Variants in TANC1 observed in about 807,000 individuals in gnomAD.
The protein encoded by TANC1 is tetratricopeptide repeat, ankyrin repeat and coiled-coil containing 1, also known as protein TANC1.
TANC1 carries 77 observed loss-of-function variants against 149.7 expected under a neutral mutation model. That is an observed-to-expected ratio of 0.51 (90% CI 0.43 to 0.62). TANC1 has a LOEUF of 0.62. Ranked by LOEUF, TANC1 falls within the 20% of genes least tolerant of loss-of-function variation. The pLI is 0.00. For missense variants in TANC1, 1,985 were observed against 2,321.8 expected (o/e 0.85, Z 2.98); for synonymous variants, 854 against 925.0 (o/e 0.92, Z 1.39).
At chr2:159,172,325 G>A in intron 11 of TANC1, 53 bp downstream of exon 11, 7 of 1,572,182 alleles carry the variant, frequency 4.5e-6, no homozygotes, top group East Asian at 2.3e-5. Context: ...TTGCTGGTTT[G>A]GTTTCTGAGA....
chr2:159,099,504 A>AC (rs1290039955), intron 4 of TANC1, among the ~76,000 whole-genome samples: 1 of 150,636 alleles, frequency 6.6e-6, no homozygotes, highest in African/African-American at 2.5e-5. Context: ...GACCAAAAAA[A>AC]AAAACAAAAC....
chr2:158,993,508 G>A (rs933852040), intron 1 of TANC1, among the ~76,000 whole-genome samples: 2 of 152,072 alleles, frequency 1.3e-5, no homozygotes, highest in Non-Finnish European at 2.9e-5. Context: ...ATGAAATACC[G>A]TGCCCGCCTT....
intron 2 of TANC1, among the ~76,000 whole-genome samples, chr2:159,051,972 A>G (rs2041508982): frequency 6.6e-6 from 1 of 152,166 alleles, no homozygotes; most frequent in African/African-American, 2.4e-5. Context: ...AATTATATTT[A>G]TCTTCCTATG....
intron 22 of TANC1, 32 bp downstream of exon 22, chr2:159,219,899 CT>C: frequency 6.2e-7 from 1 of 1,610,388 alleles, no homozygotes; most frequent in South Asian, 1.1e-5. Context: ...CCACCTCCAC[CT>C]GCATTGGAAA....
intron 7 of TANC1, among the ~76,000 whole-genome samples, chr2:159,154,148 G>A (rs931997066): frequency 4.6e-5 from 7 of 152,294 alleles, no homozygotes; most frequent in South Asian, 2.1e-4. Flanking sequence ...CACAGCTGCC[G>A]AGGCCTTGCA....
At chr2:159,136,543 C>T (rs2050766391) in intron 5 of TANC1, among the ~76,000 whole-genome samples, 1 of 152,172 alleles carries the variant, frequency 6.6e-6, no homozygotes, top group Non-Finnish European at 1.5e-5. Flanking sequence ...CCTATTTCCT[C>T]TGAATTTTGA....
chr2:159,196,353 G>A (rs2057848413), intron 17 of TANC1, among the ~76,000 whole-genome samples: 1 of 152,226 alleles, frequency 6.6e-6, no homozygotes, highest in African/African-American at 2.4e-5. Context: ...GTAGTTTGCT[G>A]CAGGGACATG....
intron 2 of TANC1, among the ~76,000 whole-genome samples, chr2:159,007,812 G>C (rs1477379667): frequency 6.6e-6 from 1 of 152,244 alleles, no homozygotes; most frequent in African/African-American, 2.4e-5. Context: ...CTGTGGGATA[G>C]ATAGCTGAGT....
At chr2:159,048,144 G>C (rs1264607480) in intron 2 of TANC1, among the ~76,000 whole-genome samples, 2 of 152,116 alleles carry the variant, frequency 1.3e-5, no homozygotes, top group African/African-American at 2.4e-5. Context: ...GGCTGGTGTT[G>C]GTTGACCTGA....
At chr2:159,200,593 T>G (rs535354356) in intron 19 of TANC1, among the ~76,000 whole-genome samples, 2 of 152,342 alleles carry the variant, frequency 1.3e-5, no homozygotes, top group Admixed American at 1.3e-4. Flanking sequence ...CAATGACCAG[T>G]CCTGAATTGC....
chr2:159,082,836 G>A lies in TANC1; in HGVS notation c.62-14801G>A, dbSNP rs77069264. ...GAATGGGCTCTACTGTAATTGTGTA[G>A]TGCAGTGATTCCTAAACCTGGCTGG... On this transcript the variant is annotated intron_variant, in intron 3 of 26. Transcript: ENST00000263635. Among the ~76,000 whole-genome samples, 19 of 152,322 alleles carry A rather than the reference G, an allele frequency of 1.2e-4. No individual in the cohort carries two copies. In the East Asian group the frequency reaches 3.7e-3, roughly 29 times the overall value.
intron 16 of TANC1, among the ~76,000 whole-genome samples, chr2:159,190,852 A>C (rs575990613): frequency 6.6e-6 from 1 of 152,346 alleles, no homozygotes; most frequent in South Asian, 2.1e-4. Flanking sequence ...ATGCCCAGCC[A>C]CACCTTTATT....
At chr2:159,076,993 TTTTC>T (rs1408611352) in intron 3 of TANC1, among the ~76,000 whole-genome samples, 1 of 152,162 alleles carries the variant, frequency 6.6e-6, no homozygotes, top group Non-Finnish European at 1.5e-5. Flanking sequence ...TTGTTTTTTT[TTTTC>T]CTTTAGATTT....
chr2:159,168,697 A>C (rs948425697), intron 8 of TANC1, among the ~76,000 whole-genome samples: 1 of 152,200 alleles, frequency 6.6e-6, no homozygotes, highest in Non-Finnish European at 1.5e-5. Flanking sequence ...AACACCAAAA[A>C]ATGCGGTATG....
At chr2:159,106,338 GC>G (rs1312991134) in intron 4 of TANC1, among the ~76,000 whole-genome samples, 2 of 151,996 alleles carry the variant, frequency 1.3e-5, no homozygotes, top group African/African-American at 4.8e-5. Flanking sequence ...CTACTTCCTA[GC>G]CCCTGGTAAC....
chr2:159,101,463 C>G (rs1277791067), intron 4 of TANC1, among the ~76,000 whole-genome samples: 1 of 151,968 alleles, frequency 6.6e-6, no homozygotes, highest in Non-Finnish European at 1.5e-5. Flanking sequence ...ACTTTCCACT[C>G]ATATTGAGGT....
In TANC1 at chr2:159,172,167, G is replaced by A. The variant is rs201430733; in HGVS notation, c.1398G>A (p.Pro466=). Residue 466 remains proline, a synonymous_variant, in exon 11 of 27, where the codon CCG becomes CCA. Transcript: ENST00000263635. ...TTCATTTCACTCCGTTGCTTTCACC[G>A]AGTTCTTCCACAAGTGCTTCCAGCA... The part of the protein sequence containing the change: ...QDLHFTPLLS[P]SSSTSASSTA... 25 of 1,614,016 alleles carry A rather than the reference G, an allele frequency of 1.5e-5. No homozygotes were observed. Among genetic ancestry groups the A allele is most frequent in the African/African-American group, 9.3e-5 (7 of 74,898 alleles).
At chr2:159,128,838 C>G (rs1266080122) in intron 4 of TANC1, among the ~76,000 whole-genome samples, 2 of 152,142 alleles carry the variant, frequency 1.3e-5, no homozygotes, top group Non-Finnish European at 2.9e-5. Flanking sequence ...GGATGTCTTG[C>G]TCCTTAAAAT....
chr2:159,162,782 C>T (rs995268156), intron 7 of TANC1, among the ~76,000 whole-genome samples: 1 of 152,106 alleles, frequency 6.6e-6, no homozygotes, highest in Non-Finnish European at 1.5e-5. Context: ...GTCAAATTCT[C>T]TGTTTGACTT....
Sources: allele counts gnomAD v4.1 joint callset (sites outside exome capture counted in the v4.1 genomes callset), GRCh38; gene constraint gnomAD v4.1.1; transcripts MANE v1.5; gene names NCBI Gene and HGNC (gene_info 2026-07-23, HGNC 2026-07-21).